Variants in SYNE2 observed in about 807,000 individuals in gnomAD.
The protein encoded by SYNE2 is spectrin repeat containing nuclear envelope protein 2.
In SYNE2, 431 loss-of-function variants were observed where a neutral mutation model predicts 856.3. That is an observed-to-expected ratio of 0.50 (90% CI 0.47 to 0.55). The LOEUF is 0.55. SYNE2 is among the 20% of genes least tolerant of loss of function. SYNE2 has a pLI of 0.00. For synonymous variants in SYNE2, 2,923 were observed against 2,872.3 expected (o/e 1.02, Z -0.56); for missense variants, 8,129 against 8,023.2 (o/e 1.01, Z -0.50).
chr14:63,976,777 A>T, intron 12 of SYNE2, 50 bp downstream of exon 12: 1 of 1,578,212 alleles, frequency 6.3e-7, no homozygotes, highest in East Asian at 2.2e-5. Context: ...TTTGTTAGGG[A>T]TTGTTCTTGA....
chr14:63,784,544 A>G (rs1887441972), intron 1 of SYNE2, among the ~76,000 whole-genome samples: 1 of 152,042 alleles, frequency 6.6e-6, no homozygotes, highest in Non-Finnish European at 1.5e-5. Context: ...GTTTGTTTGT[A>G]GAGATGGGTC....
In SYNE2 at chr14:64,214,565, C is replaced by T. The variant is rs553646286; in HGVS notation, c.19333+95C>T. Reference sequence around the variant, plus strand: ...GGCCAGCTCTCAATGACCAAGAGTCCATCTTGTGGCCGACCCTGACTTCTG... The same window carrying T: ...GGCCAGCTCTCAATGACCAAGAGTCTATCTTGTGGCCGACCCTGACTTCTG... On this transcript the variant is annotated intron_variant, in intron 106 of 115. Coordinates refer to ENST00000555002, the MANE Select transcript of SYNE2 (RefSeq NM_182914.3). The T allele has an allele frequency of 2.4e-6, 3 of 1,265,828 alleles. No individual in the cohort carries two copies. The South Asian group carries it at 3.9e-5, about 16-fold the overall frequency. 78.4% of individuals were successfully genotyped at this position (1,265,828 alleles called of 1,614,324 possible). A position where few individuals can be genotyped will look rare whatever the true frequency, so the allele number is the denominator to read the frequency against.
chr14:64,215,529 C>G, intron 107 of SYNE2, 175 bp downstream of exon 107: 1 of 726,352 alleles, frequency 1.4e-6, no homozygotes, highest in South Asian at 1.5e-5. Flanking sequence ...GTGCTCCTTA[C>G]AAAACCCCAT....
chr14:63,951,528 C>G (rs1411499887), intron 7 of SYNE2, among the ~76,000 whole-genome samples: 1 of 152,202 alleles, frequency 6.6e-6, no homozygotes, highest in Non-Finnish European at 1.5e-5. Context: ...GTCTCAAACT[C>G]CTGACCTCAG....
chr14:63,948,782 G>GTGTA (rs1454688156), intron 6 of SYNE2, among the ~76,000 whole-genome samples: 443 of 43,818 alleles, frequency 0.01, 2 homozygotes, highest in Middle Eastern at 0.023. Flanking sequence ...ATGTGTGTGT[G>GTGTA]TATATATATA....
chr14:64,170,179 T>A, intron 93 of SYNE2, 49 bp from the exon 94 acceptor site: 1 of 1,584,080 alleles, frequency 6.3e-7, no homozygotes, highest in Non-Finnish European at 8.7e-7. Context: ...GATAGTTATT[T>A]TTTCTACATG....
intron 10 of SYNE2, among the ~76,000 whole-genome samples, 161 bp downstream of exon 10, chr14:63,964,161 A>G (rs534999968): frequency 2.6e-5 from 4 of 152,266 alleles, no homozygotes; most frequent in African/African-American, 7.2e-5. Flanking sequence ...TTTAAGGTGC[A>G]TGTGATTCAC....
At chr14:63,763,062 G>C (rs1386639234) in intron 1 of SYNE2, among the ~76,000 whole-genome samples, 2 of 152,126 alleles carry the variant, frequency 1.3e-5, no homozygotes. Context: ...CTGCCTCCCA[G>C]GTTCAAGAAA....
chr14:63,839,414 A>G (rs2139922228), intron 1 of SYNE2, among the ~76,000 whole-genome samples: 1 of 152,256 alleles, frequency 6.6e-6, no homozygotes, highest in South Asian at 2.1e-4. Flanking sequence ...TACTAATAAG[A>G]TTGAGCATTA....
intron 45 of SYNE2, among the ~76,000 whole-genome samples, chr14:64,033,297 A>G (rs2097056643): frequency 6.6e-6 from 1 of 152,244 alleles, no homozygotes; most frequent in Non-Finnish European, 1.5e-5. Context: ...CAACTTTTAA[A>G]CTAACTTCCC....
intron 52 of SYNE2, among the ~76,000 whole-genome samples, chr14:64,071,415 A>G (rs2097406434): frequency 6.6e-6 from 1 of 152,036 alleles, no homozygotes; most frequent in African/African-American, 2.4e-5. Context: ...AATGGCGTGA[A>G]CCCAGAAGGC....
chr14:63,807,859 A>ATATATATATATATATG (rs1888437970), intron 1 of SYNE2, among the ~76,000 whole-genome samples: 2 of 99,988 alleles, frequency 2.0e-5, no homozygotes, highest in Non-Finnish European at 4.0e-5. Flanking sequence ...ATATATATAT[A>ATATATATATATATATG]TATATAATTT....
chr14:64,169,714 T>C (rs2098401337), intron 93 of SYNE2, among the ~76,000 whole-genome samples: 1 of 152,246 alleles, frequency 6.6e-6, no homozygotes, highest in Non-Finnish European at 1.5e-5. Context: ...TAATTTCTAT[T>C]TGATCTGTAC....
rs757168685 is a variant in SYNE2 at position 64,080,493 on chromosome 14, T to C, written c.11201T>C (p.Leu3734Pro). The C allele has an allele frequency of 3.1e-6, 5 of 1,614,184 alleles. No individual in the cohort carries two copies. The South Asian group carries it at 5.5e-5, about 18-fold the overall frequency. The change falls in exon 56 of 116, where the codon CTA becomes CCA. Residue 3734 changes from leucine (L) to proline (P), a missense_variant. This residue lies in a region of SYNE2 where 5,410 missense variants were observed against 5,284.8 expected (regional missense o/e 1.02). Transcript: ENST00000555002. Reference sequence around the variant, plus strand: ...GAGTTAGATCTATGGCATTCCAAACTAAATGAGCTGGATTCTGAAGTTCAG... The same window carrying C: ...GAGTTAGATCTATGGCATTCCAAACCAAATGAGCTGGATTCTGAAGTTCAG... ...WDELDLWHSK[L>P]NELDSEVQDI...
intron 1 of SYNE2, among the ~76,000 whole-genome samples, chr14:63,891,189 G>T (rs2095121926): frequency 6.6e-6 from 1 of 152,186 alleles, no homozygotes; most frequent in African/African-American, 2.4e-5. Flanking sequence ...TTCAGTGGCT[G>T]GAGGCCCTGC....
At chr14:63,883,585 G>A (rs1422935070) in intron 1 of SYNE2, among the ~76,000 whole-genome samples, 5 of 151,648 alleles carry the variant, frequency 3.3e-5, no homozygotes, top group Non-Finnish European at 5.9e-5. Context: ...TGAACTCCTG[G>A]GCTCAAGCAA....
chr14:63,849,851 C>T (rs553282219), upstream of SYNE2, among the ~76,000 whole-genome samples: 2 of 152,144 alleles, frequency 1.3e-5, no homozygotes, highest in African/African-American at 4.8e-5. Flanking sequence ...CTGCTCAGTA[C>T]GCTGTGCAAG....
At chr14:64,028,662 A>G (rs1314379923) in intron 43 of SYNE2, among the ~76,000 whole-genome samples, 1 of 152,190 alleles carries the variant, frequency 6.6e-6, no homozygotes, top group African/African-American at 2.4e-5. Flanking sequence ...TTCTCTCATC[A>G]AAATTCCCCT....
At chr14:63,806,287 G>C (rs567378409) in intron 1 of SYNE2, among the ~76,000 whole-genome samples, 24 of 152,262 alleles carry the variant, frequency 1.6e-4, no homozygotes, top group Non-Finnish European at 1.2e-4. Context: ...TACATTTGTT[G>C]ATTTGTGTGT....
Sources: allele counts gnomAD v4.1 joint callset (sites outside exome capture counted in the v4.1 genomes callset), GRCh38; gene constraint gnomAD v4.1.1; regional missense constraint gnomAD v4.1.1; transcripts MANE v1.5; gene names NCBI Gene and HGNC (gene_info 2026-07-23, HGNC 2026-07-21).